The following CCSER1 variants were observed in gnomAD, a reference collection of about 807,000 sequenced individuals.
CCSER1 encodes serine-rich coiled-coil domain-containing protein 1.
CCSER1 carries 41 observed loss-of-function variants against 82.0 expected under a neutral mutation model. That is an observed-to-expected ratio of 0.50 (90% CI 0.39 to 0.65). The LOEUF is 0.65. CCSER1 is among the 30% of genes least tolerant of loss of function. The pLI, the probability that CCSER1 is intolerant of heterozygous loss-of-function variation, is 0.00. For synonymous variants in CCSER1, 414 were observed against 383.9 expected, an observed-to-expected ratio of 1.08 and a Z score of -0.92; for missense variants, 1,119 against 1,064.2, an observed-to-expected ratio of 1.05 and a Z score of -0.72.
At chr4:91,267,288 G>T (rs1741672000) in intron 10 of CCSER1, among the ~76,000 whole-genome samples, 1 of 151,712 alleles carries the variant, frequency 6.6e-6, no homozygotes, top group African/African-American at 2.4e-5. Context: ...TTTTTTATTA[G>T]TTTTTTGGGG....
intron 6 of CCSER1, among the ~76,000 whole-genome samples, chr4:90,687,745 C>T (rs780687241): frequency 2.6e-5 from 4 of 151,928 alleles, no homozygotes; most frequent in Non-Finnish European, 5.9e-5. Flanking sequence ...CCACCCCAAA[C>T]GAGCTAGGTA....
At chr4:91,296,403 T>C (rs1405462852) in intron 10 of CCSER1, among the ~76,000 whole-genome samples, 3 of 146,846 alleles carry the variant, frequency 2.0e-5, no homozygotes, top group African/African-American at 7.6e-5. Flanking sequence ...TATAAAAGCA[T>C]AGTAAAGTCT....
chr4:90,768,651 G>T (rs1751622743), intron 7 of CCSER1, among the ~76,000 whole-genome samples: 1 of 152,128 alleles, frequency 6.6e-6, no homozygotes, highest in Admixed American at 6.6e-5. Context: ...ACTTTCAGAA[G>T]ATTTAAATAA....
At chr4:91,096,087 A>C (rs1198387172) in intron 10 of CCSER1, among the ~76,000 whole-genome samples, 2 of 152,182 alleles carry the variant, frequency 1.3e-5, no homozygotes, top group Non-Finnish European at 1.5e-5. Context: ...CCAGTTGAGG[A>C]GGTCAGCAGA....
intron 10 of CCSER1, among the ~76,000 whole-genome samples, chr4:91,588,356 G>C (rs1289227646): frequency 2.0e-5 from 3 of 151,330 alleles, no homozygotes; most frequent in Non-Finnish European, 4.4e-5. Context: ...TTGAAAAATT[G>C]CTATTATTAA....
At chr4:90,972,187 A>G (rs1010951424) in intron 9 of CCSER1, among the ~76,000 whole-genome samples, 2 of 151,864 alleles carry the variant, frequency 1.3e-5, no homozygotes, top group Non-Finnish European at 2.9e-5. Flanking sequence ...TAGGAAGAAG[A>G]AAAATTGTCT....
chr4:90,717,774 T>C (rs996315946), intron 6 of CCSER1, among the ~76,000 whole-genome samples: 1 of 147,432 alleles, frequency 6.8e-6, no homozygotes, highest in African/African-American at 2.5e-5. Flanking sequence ...ATATAGTGTA[T>C]ATATATGTGT....
chr4:91,346,031 C>CTTTTTTTTT (rs1748029498), intron 10 of CCSER1, among the ~76,000 whole-genome samples: 1 of 138,904 alleles, frequency 7.2e-6, no homozygotes, highest in African/African-American at 3.4e-5. Context: ...GGCTTGACAG[C>CTTTTTTTTT]TCTTTTTTTT....
intron 10 of CCSER1, among the ~76,000 whole-genome samples, chr4:91,583,142 A>G (rs901410432): frequency 2.6e-5 from 4 of 151,406 alleles, no homozygotes; most frequent in Non-Finnish European, 4.4e-5. Context: ...CTATGAGAAT[A>G]AATCCTTTTT....
chr4:90,129,866 C>G (rs1196584697), intron 1 of CCSER1, among the ~76,000 whole-genome samples: 1 of 152,098 alleles, frequency 6.6e-6, no homozygotes, highest in Non-Finnish European at 1.5e-5. Context: ...ATGGAGAACC[C>G]CATTCGGAGG....
At chr4:90,446,425 C>A (rs533277051) in intron 4 of CCSER1, among the ~76,000 whole-genome samples, 1 of 152,064 alleles carries the variant, frequency 6.6e-6, no homozygotes, top group Non-Finnish European at 1.5e-5. Flanking sequence ...AACTATGTCT[C>A]GTAACCTGAG....
intron 10 of CCSER1, among the ~76,000 whole-genome samples, chr4:91,209,069 C>T (rs1736582472): frequency 6.6e-6 from 1 of 151,708 alleles, no homozygotes; most frequent in African/African-American, 2.4e-5. Flanking sequence ...TTTTGTATCC[C>T]AAAACCTTGT....
chr4:91,081,578 G>T (rs1363438174), intron 9 of CCSER1, among the ~76,000 whole-genome samples: 1 of 152,080 alleles, frequency 6.6e-6, no homozygotes, highest in Non-Finnish European at 1.5e-5. Context: ...TCAGGCAAGA[G>T]AAAGAAATAA....
At chr4:90,847,955 TATA>T (rs1472442946) in intron 8 of CCSER1, among the ~76,000 whole-genome samples, 44 of 152,234 alleles carry the variant, frequency 2.9e-4, no homozygotes, top group Admixed American at 2.9e-3. Context: ...TATCCTAACA[TATA>T]TATTTGTTTT....
chr4:90,876,870 G>T (rs781172607), intron 8 of CCSER1, among the ~76,000 whole-genome samples: 9 of 151,948 alleles, frequency 5.9e-5, no homozygotes, highest in Non-Finnish European at 1.2e-4. Flanking sequence ...ATTATTATGG[G>T]ATTTCAGTTA....
At chr4:90,417,896 A>G (rs1191620733) in intron 4 of CCSER1, among the ~76,000 whole-genome samples, 4 of 152,206 alleles carry the variant, frequency 2.6e-5, no homozygotes, top group Non-Finnish European at 5.9e-5. Context: ...AGGGAAAATT[A>G]TAGAAATCAA....
Position 90,309,358 on chromosome 4 carries a change from A to G in CCSER1, c.1074A>G (p.Thr358=). The change falls in exon 2 of 11, where the codon ACA becomes ACG. Residue 358 remains threonine (T), a synonymous_variant. Transcript: ENST00000509176. The stretch of plus-strand genomic sequence containing the variant: ...TACAAATTGCTGAACTACCTGCTAC[A>G]AGTGTGAGCCACTCAGAGAGTAACC... ...VLLQIAELPA[T]SVSHSESNLP... 6.2e-7 allele frequency: 1 copy of G among 1,613,888 alleles called. No homozygotes were observed. Among genetic ancestry groups the G allele is most frequent in the Non-Finnish European group, 8.5e-7 (1 of 1,179,824 alleles).
chr4:90,390,878 G>A (rs961295239), intron 3 of CCSER1, among the ~76,000 whole-genome samples: 2 of 152,028 alleles, frequency 1.3e-5, no homozygotes, highest in African/African-American at 4.8e-5. Flanking sequence ...TTCCATAGTG[G>A]CTCAACTAGT....
chr4:90,218,076 C>T (rs1308689557), intron 1 of CCSER1, among the ~76,000 whole-genome samples: 5 of 152,150 alleles, frequency 3.3e-5, no homozygotes, highest in African/African-American at 1.2e-4. Flanking sequence ...TCTGGGATTA[C>T]AGGCATGGGT....
Sources: gnomAD v4.1 joint callset for allele counts (sites outside exome capture counted in the v4.1 genomes callset) on GRCh38, gnomAD v4.1.1 for gene constraint, MANE v1.5 for transcripts, NCBI Gene and HGNC (gene_info 2026-07-23, HGNC 2026-07-21) for gene names.